Variants in KIF3B observed in about 807,000 individuals in gnomAD.
The protein encoded by KIF3B is kinesin family member 3B, also known as kinesin-like protein KIF3B.
A neutral mutation model predicts 74.3 loss-of-function variants in KIF3B; 38 were observed. The ratio of observed to expected loss-of-function variants is 0.51; its 90% CI spans 0.39 to 0.67. The LOEUF (loss-of-function observed/expected upper bound fraction) is 0.67, where lower values mean the gene tolerates loss of function less well. KIF3B is among the 30% of genes least tolerant of loss of function. The pLI is 0.00. For missense variants in KIF3B, 649 were observed against 932.0 expected (o/e 0.70, Z 3.95); for synonymous variants, 326 against 342.5 (o/e 0.95, Z 0.53).
intron 1 of KIF3B, among the ~76,000 whole-genome samples, chr20:32,291,573 A>C (rs1455632070): frequency 6.6e-6 from 1 of 151,398 alleles, no homozygotes; most frequent in Non-Finnish European, 1.5e-5. Context: ...AATTTCTTAC[A>C]TTGTCTCATA....
At chr20:32,321,939 G>A (rs2047861936) in intron 5 of KIF3B, among the ~76,000 whole-genome samples, 1 of 152,058 alleles carries the variant, frequency 6.6e-6, no homozygotes, top group Non-Finnish European at 1.5e-5. Context: ...TGTGTTACTT[G>A]CTTTATTGTG....
At chr20:32,288,606 TGAA>T (rs138016305) in intron 1 of KIF3B, among the ~76,000 whole-genome samples, 4,670 of 152,288 alleles carry the variant, frequency 0.031, 260 homozygotes, top group African/African-American at 0.11. Flanking sequence ...TTCTTTCTGA[TGAA>T]GAATTCCCTG....
chr20:32,285,233 C>T (rs2047662251), intron 1 of KIF3B, among the ~76,000 whole-genome samples: 2 of 152,122 alleles, frequency 1.3e-5, no homozygotes, highest in Non-Finnish European at 2.9e-5. Flanking sequence ...GATAAGCTAC[C>T]TCTCACACTT....
At chr20:32,321,025 A>G (rs1051547617) in intron 5 of KIF3B, among the ~76,000 whole-genome samples, 1 of 151,992 alleles carries the variant, frequency 6.6e-6, no homozygotes, top group Non-Finnish European at 1.5e-5. Context: ...ATTTCTGTGT[A>G]TGGTATGAGG....
At position 32,326,757 on chromosome 20, in the gene KIF3B, G is replaced by A. The variant is rs2047905520; in HGVS notation, c.1749-14G>A. 1 of 990,698 alleles carries A rather than the reference G, an allele frequency of 1.0e-6. No homozygotes were observed. The highest frequency in any genetic ancestry group is 1.6e-6 in the Non-Finnish European group (1 of 628,234). 61.4% of individuals were successfully genotyped at this position (990,698 alleles called of 1,614,324 possible). ...TTCTGTATCTGTTTTCACCTGTTAT[G>A]TGTGCTCTTACAGGCATCTTATTAT... On this transcript the variant is annotated splice_polypyrimidine_tract_variant and intron_variant, in intron 5 of 8. Transcript: ENST00000375712.
rs1313188652 is a variant in KIF3B at position 32,331,509 on chromosome 20, G to A, written c.*190G>A. 5.4e-6 allele frequency: 3 copies of A among 555,488 alleles called. No individual in the cohort carries two copies. The East Asian group carries it at 9.6e-5, about 18-fold the overall frequency. The allele number at this position is 555,488 out of a possible 1,614,324, so 34.4% of individuals were successfully genotyped here. A position where few individuals can be genotyped will look rare whatever the true frequency, so the allele number is the denominator to read the frequency against. ...TCCTAATCTGGCACTCAGCCCCTCTGGGAAACATCTTTTAATTAGCATCTC... is the reference window on the plus strand; with the variant it reads ...TCCTAATCTGGCACTCAGCCCCTCTAGGAAACATCTTTTAATTAGCATCTC... On this transcript the variant is annotated 3_prime_UTR_variant, in exon 9 of 9. Coordinates refer to ENST00000375712, the MANE Select transcript of KIF3B (RefSeq NM_004798.4).
chr20:32,292,498 G>T (rs2047696766), intron 1 of KIF3B, among the ~76,000 whole-genome samples: 1 of 150,700 alleles, frequency 6.6e-6, no homozygotes, highest in Non-Finnish European at 1.5e-5. Context: ...AGCACTTTGG[G>T]AGGCTGAGGT....
chr20:32,280,144 T>C (rs2047635404), intron 1 of KIF3B, among the ~76,000 whole-genome samples: 1 of 152,232 alleles, frequency 6.6e-6, no homozygotes, highest in Non-Finnish European at 1.5e-5. Context: ...CATGTATGGC[T>C]GTTCTGAGGA....
At chr20:32,323,083 T>C (rs1269261516) in intron 5 of KIF3B, among the ~76,000 whole-genome samples, 1 of 112,618 alleles carries the variant, frequency 8.9e-6, no homozygotes, top group African/African-American at 3.4e-5. Flanking sequence ...TATATTTATA[T>C]ATATTTATAT....
chr20:32,316,231 A>G lies in KIF3B; in HGVS notation c.1418A>G (p.Lys473Arg). 2 of 1,599,058 alleles carry G rather than the reference A, an allele frequency of 1.3e-6. No homozygotes were observed. Among genetic ancestry groups the G allele is most frequent in the Non-Finnish European group, 1.7e-6 (2 of 1,166,390 alleles). ...LGAKIKAMES[K>R]LLVGGKNIVD... ...TTTCTCACTCAGGCCATGGAGAGTA[A>G]GTTGCTTGTTGGAGGAAAAAATATA... Residue 473 changes from lysine (K) to arginine (R), a missense_variant, in exon 3 of 9, where the codon AAG becomes AGG. By Grantham distance (26) the Lys-to-Arg change is conservative (BLOSUM62 2). Coordinates refer to ENST00000375712, the MANE Select transcript of KIF3B (RefSeq NM_004798.4).
chr20:32,295,441 C>T (rs554409494), intron 1 of KIF3B, among the ~76,000 whole-genome samples: 5 of 152,016 alleles, frequency 3.3e-5, no homozygotes, highest in African/African-American at 4.8e-5. Context: ...TACAGGTGCC[C>T]GCCATCATGC....
intron 1 of KIF3B, among the ~76,000 whole-genome samples, chr20:32,284,296 T>C (rs2047657737): frequency 6.6e-6 from 1 of 152,156 alleles, no homozygotes; most frequent in Non-Finnish European, 1.5e-5. Flanking sequence ...GCATTCTCAT[T>C]TACTAATTGT....
intron 1 of KIF3B, among the ~76,000 whole-genome samples, chr20:32,293,680 A>G (rs1301609363): frequency 1.3e-5 from 2 of 152,108 alleles, no homozygotes; most frequent in African/African-American, 2.4e-5. Flanking sequence ...CAAGATTTAT[A>G]TAGGAAGAAG....
intron 1 of KIF3B, among the ~76,000 whole-genome samples, chr20:32,295,495 G>C (rs1461001341): frequency 6.6e-6 from 1 of 151,942 alleles, no homozygotes; most frequent in African/African-American, 2.4e-5. Flanking sequence ...GGGTTTCACC[G>C]TGTTAGCCAG....
intron 5 of KIF3B, among the ~76,000 whole-genome samples, chr20:32,323,586 A>G (rs896228102): frequency 1.3e-5 from 2 of 151,904 alleles, no homozygotes; most frequent in South Asian, 4.2e-4. Context: ...TTATTTTTAA[A>G]AATATTTTTC....
intron 5 of KIF3B, among the ~76,000 whole-genome samples, chr20:32,323,920 A>G (rs1227421597): frequency 6.6e-6 from 1 of 151,946 alleles, no homozygotes; most frequent in Non-Finnish European, 1.5e-5. Context: ...TGACTTGTTG[A>G]AAAGACTGAA....
intron 1 of KIF3B, among the ~76,000 whole-genome samples, chr20:32,282,950 TG>T (rs2047650884): frequency 6.6e-6 from 1 of 152,228 alleles, no homozygotes; most frequent in Admixed American, 6.5e-5. Flanking sequence ...CTTGTAAATC[TG>T]GGCATTACAG....
intron 1 of KIF3B, 36 bp from the exon 2 acceptor site, chr20:32,309,677 C>A: frequency 1.5e-6 from 2 of 1,345,626 alleles, no homozygotes; most frequent in Non-Finnish European, 2.0e-6. Flanking sequence ...GCAATGACAA[C>A]GGTACTGTGC....
Position 32,310,539 on chromosome 20 carries a change from G to A in KIF3B, c.762G>A (p.Lys254=), listed in dbSNP as rs1475967344. 8 of 1,613,890 alleles carry A rather than the reference G, an allele frequency of 5.0e-6. No individual in the cohort carries two copies. In the East Asian group the frequency reaches 1.8e-4, roughly 36 times the overall value. The part of the protein sequence containing the change: ...VDLAGSERQA[K]TGAQGERLKE... The stretch of plus-strand genomic sequence containing the variant: ...TTGCTGGCAGCGAACGGCAAGCCAA[G>A]ACCGGCGCACAAGGGGAGAGATTAA... Residue 254 remains lysine (K), a synonymous_variant, in exon 2 of 9, where the codon AAG becomes AAA. Transcript: ENST00000375712. The surrounding 1 kb of genome is among the most constrained non-coding windows in gnomAD (Gnocchi z 6.5).
Sources: allele counts gnomAD v4.1 joint callset (sites outside exome capture counted in the v4.1 genomes callset), GRCh38; gene constraint gnomAD v4.1.1; non-coding constraint Gnocchi (gnomAD v3.1); transcripts MANE v1.5; gene names NCBI Gene and HGNC (gene_info 2026-07-23, HGNC 2026-07-21).